The following LRPPRC variants were observed in gnomAD, a reference collection of about 807,000 sequenced individuals.
LRPPRC encodes the protein leucine-rich PPR motif-containing protein, mitochondrial.
LRPPRC carries 120 observed loss-of-function variants against 180.3 expected under a neutral mutation model. The ratio of observed to expected loss-of-function variants is 0.67; its 90% CI spans 0.57 to 0.77. The LOEUF is 0.77. LRPPRC is among the 30% of genes least tolerant of loss of function. The pLI, the probability that LRPPRC is intolerant of heterozygous loss-of-function variation, is 0.00. For missense variants in LRPPRC, 2,012 were observed against 1,657.2 expected (o/e 1.21, Z -3.72); for synonymous variants, 723 against 600.0 (o/e 1.21, Z -3.00).
intron 23 of LRPPRC, among the ~76,000 whole-genome samples, chr2:43,939,056 C>A (rs377703532): frequency 2.6e-4 from 39 of 150,408 alleles, no homozygotes; most frequent in African/African-American, 9.3e-4. Flanking sequence ...GTGGATCACG[C>A]GGTCAGGAGA....
intron 34 of LRPPRC, among the ~76,000 whole-genome samples, chr2:43,898,455 C>A (rs112843575): frequency 2.0e-5 from 3 of 152,186 alleles, no homozygotes; most frequent in East Asian, 1.9e-4. Context: ...CAGCCGTTGG[C>A]GGGATCACGG....
At chr2:43,923,119 T>C (rs1052219153) in intron 27 of LRPPRC, among the ~76,000 whole-genome samples, 2 of 148,110 alleles carry the variant, frequency 1.4e-5, no homozygotes, top group South Asian at 4.3e-4. Flanking sequence ...TCAGAGACCA[T>C]ATATCCCTAA....
intron 25 of LRPPRC, among the ~76,000 whole-genome samples, chr2:43,929,769 C>G (rs1376796321): frequency 6.6e-6 from 1 of 152,078 alleles, no homozygotes; most frequent in Admixed American, 6.6e-5. Context: ...CCAAGATAGA[C>G]TTGAAGACCA....
chr2:43,912,048 T>C (rs992101184), intron 30 of LRPPRC, among the ~76,000 whole-genome samples: 4 of 152,144 alleles, frequency 2.6e-5, no homozygotes, highest in Non-Finnish European at 5.9e-5. Context: ...TTAAGTAAGA[T>C]TCAAATCTTG....
At chr2:43,900,503 T>C (rs1250407057) in intron 32 of LRPPRC, among the ~76,000 whole-genome samples, 20 of 152,188 alleles carry the variant, frequency 1.3e-4, no homozygotes, top group Admixed American at 1.3e-3. Flanking sequence ...AACTTTAAAA[T>C]TCACCCAGTT....
intron 30 of LRPPRC, among the ~76,000 whole-genome samples, chr2:43,910,190 C>G (rs1183458177): frequency 6.6e-6 from 1 of 151,924 alleles, no homozygotes; most frequent in Non-Finnish European, 1.5e-5. Flanking sequence ...AGCATGCACA[C>G]TGCATGAACA....
At chr2:43,942,014 C>G (rs961569736) in intron 23 of LRPPRC, among the ~76,000 whole-genome samples, 1 of 152,070 alleles carries the variant, frequency 6.6e-6, no homozygotes, top group African/African-American at 2.4e-5. Flanking sequence ...AAATATCTGA[C>G]TTCAGGATAT....
At chr2:43,973,333 T>G (rs1673902140) in intron 11 of LRPPRC, among the ~76,000 whole-genome samples, 1 of 152,172 alleles carries the variant, frequency 6.6e-6, no homozygotes, top group Non-Finnish European at 1.5e-5. Flanking sequence ...AGAGTTTTTT[T>G]AAGAACTTAA....
Position 43,975,201 on chromosome 2 carries a change from C to G in LRPPRC, c.754G>C (p.Glu252Gln). Residue 252 changes from glutamate (E) to glutamine (Q), a missense_variant, in exon 7 of 38, where the codon GAA becomes CAA. Physicochemically the swap from Glu to Gln is conservative, Grantham distance 29. Transcript: ENST00000260665. ...TCTCTCATCACTGTGAGAATGTTTTCTGCATTCTCCATATCACTACAAGTT... is the reference window on the plus strand; with the variant it reads ...TCTCTCATCACTGTGAGAATGTTTTGTGCATTCTCCATATCACTACAAGTT... The part of the protein sequence containing the change: ...HARAGDMENA[E>Q]NILTVMRDAG... 1 of 1,613,060 alleles carries G rather than the reference C, an allele frequency of 6.2e-7. No individual in the cohort carries two copies. Among genetic ancestry groups the G allele is most frequent in the Non-Finnish European group, 8.5e-7 (1 of 1,179,698 alleles).
chr2:43,946,615 T>C (rs528668515), intron 20 of LRPPRC, among the ~76,000 whole-genome samples: 1 of 152,242 alleles, frequency 6.6e-6, no homozygotes, highest in East Asian at 1.9e-4. Context: ...GAAAAGTTTC[T>C]CAGTCTAGTT....
chr2:43,977,097 C>G, intron 4 of LRPPRC, 45 bp from the exon 5 acceptor site: 4 of 1,606,998 alleles, frequency 2.5e-6, no homozygotes, highest in Non-Finnish European at 3.4e-6. Context: ...ACTTTTTTTT[C>G]TGAGTAAAGA....
chr2:43,912,104 C>T (rs1360876026), intron 30 of LRPPRC, among the ~76,000 whole-genome samples: 1 of 152,078 alleles, frequency 6.6e-6, no homozygotes, highest in Non-Finnish European at 1.5e-5. Context: ...CAGGCTGCTC[C>T]CACCACAAAA....
rs1168973753 is a variant in LRPPRC at position 43,974,637 on chromosome 2, G to A, written c.986C>T (p.Thr329Ile). The A allele has an allele frequency of 6.2e-7, 1 of 1,600,108 alleles. No homozygotes were observed. Among genetic ancestry groups the A allele is most frequent in the South Asian group, 1.1e-5 (1 of 90,666 alleles). Residue 329 changes from threonine to isoleucine, a missense_variant, in exon 8 of 38, where the codon ACA becomes ATA. Thr to Ile is a moderately conservative substitution (Grantham distance 89). Coordinates refer to ENST00000260665, the MANE Select transcript of LRPPRC (RefSeq NM_133259.4). ...QYVSEILEKV[T>I]CERRYIPDAM... ...ACCTGGAATATATCTTCTTTCACAT[G>A]TAACTTTTTCCAAAATTTCTGAGAC...
chr2:43,918,312 A>T lies in LRPPRC; in HGVS notation c.2983T>A (p.Leu995Ile), dbSNP rs2105026095. 1 of 1,610,774 alleles carries T rather than the reference A, an allele frequency of 6.2e-7. No individual in the cohort carries two copies. The highest frequency in any genetic ancestry group is 1.3e-5 in the African/African-American group (1 of 74,998). Residue 995 changes from leucine (L) to isoleucine (I), a missense_variant, in exon 28 of 38, where the codon TTA becomes ATA. Transcript: ENST00000260665. ...NVIPREKTLRLLAEILREGNQ... is the reference protein window; with the variant it reads ...NVIPREKTLRILAEILREGNQ... ...CCCTCTCTAAGGATTTCTGCTAATAATCTTAATGTCTTTTCACGAGGAATA... is the reference window on the plus strand; with the variant it reads ...CCCTCTCTAAGGATTTCTGCTAATATTCTTAATGTCTTTTCACGAGGAATA...
intron 1 of LRPPRC, among the ~76,000 whole-genome samples, chr2:43,992,080 T>C (rs1473073184): frequency 1.3e-5 from 2 of 152,052 alleles, no homozygotes; most frequent in Non-Finnish European, 2.9e-5. Context: ...TGTTGGTGAG[T>C]GCACGTCATA....
intron 27 of LRPPRC, among the ~76,000 whole-genome samples, chr2:43,918,791 A>C (rs1373421667): frequency 7.7e-5 from 2 of 26,056 alleles, no homozygotes; most frequent in Non-Finnish European, 1.1e-4. Context: ...ATATATATAT[A>C]GATATATATA....
chr2:43,975,180 T>C lies in LRPPRC; in HGVS notation c.775A>G (p.Arg259Gly). 6.2e-7 allele frequency: 1 copy of C among 1,613,218 alleles called. No individual in the cohort carries two copies. Among genetic ancestry groups the C allele is most frequent in the Non-Finnish European group, 8.5e-7 (1 of 1,179,420 alleles). The change falls in exon 7 of 38, where the codon AGA becomes GGA. Residue 259 changes from arginine (R) to glycine (G), a missense_variant. Coordinates refer to ENST00000260665, the MANE Select transcript of LRPPRC (RefSeq NM_133259.4). ...ENAENILTVM[R>G]DAGIEPGPDT... ...GGACCAGGCTCAATTCCGGCATCTCTCATCACTGTGAGAATGTTTTCTGCA... is the reference window on the plus strand; with the variant it reads ...GGACCAGGCTCAATTCCGGCATCTCCCATCACTGTGAGAATGTTTTCTGCA...
chr2:43,957,310 C>T (rs1032514292), intron 14 of LRPPRC, 75 bp downstream of exon 14: 3 of 957,580 alleles, frequency 3.1e-6, no homozygotes, highest in African/African-American at 1.6e-5. Context: ...TGTATTTTTC[C>T]TCATGCAATA....
intron 11 of LRPPRC, among the ~76,000 whole-genome samples, chr2:43,964,029 T>C (rs762413765): frequency 2.7e-4 from 41 of 152,330 alleles, no homozygotes; most frequent in Non-Finnish European, 5.4e-4. Context: ...ACTGCTATTA[T>C]AGAGCAATGA....
Sources: allele counts gnomAD v4.1 joint callset (sites outside exome capture counted in the v4.1 genomes callset), GRCh38; gene constraint gnomAD v4.1.1; transcripts MANE v1.5; gene names NCBI Gene and HGNC (gene_info 2026-07-23, HGNC 2026-07-21).